Variants in LHFPL3 observed in about 807,000 individuals in gnomAD.
The protein encoded by LHFPL3 is LHFPL tetraspan subfamily member 3 protein.
In LHFPL3, 5 loss-of-function variants were observed where a neutral mutation model predicts 19.3. The observed-to-expected ratio is 0.26, with a 90% confidence interval of 0.14 to 0.54. LHFPL3 has a LOEUF of 0.54. Among genes scored for constraint, LHFPL3 ranks in the 20% least tolerant of loss-of-function variants. LHFPL3 has a pLI of 0.94. For missense variants in LHFPL3, 249 were observed against 307.4 expected (o/e 0.81, Z 1.42); for synonymous variants, 133 against 126.2 (o/e 1.05, Z -0.36).
chr7:104,801,942 C>G (rs1790256139), intron 2 of LHFPL3, among the ~76,000 whole-genome samples: 1 of 152,134 alleles, frequency 6.6e-6, no homozygotes. Flanking sequence ...AGACCATTAA[C>G]TAAGTAGTAA....
chr7:104,654,209 C>T (rs966935288), intron 1 of LHFPL3, among the ~76,000 whole-genome samples: 2 of 152,106 alleles, frequency 1.3e-5, no homozygotes, highest in African/African-American at 4.8e-5. Context: ...GATATCTGTC[C>T]ATGACGTCAT....
chr7:104,398,526 C>T (rs752452909), intron 1 of LHFPL3, among the ~76,000 whole-genome samples: 1 of 152,182 alleles, frequency 6.6e-6, no homozygotes, highest in African/African-American at 2.4e-5. Flanking sequence ...AAAGCAATAA[C>T]TAACATTGTT....
chr7:104,456,833 A>G (rs766511624), intron 1 of LHFPL3, among the ~76,000 whole-genome samples: 3 of 152,236 alleles, frequency 2.0e-5, no homozygotes, highest in Non-Finnish European at 1.5e-5. Flanking sequence ...GAGATGATTC[A>G]TGTCCCAAGG....
At position 104,328,734 on chromosome 7, in the gene LHFPL3, G is replaced by C. The variant is rs748374402; in HGVS notation, c.-46G>C. 1.3e-5 allele frequency: 19 copies of C among 1,494,984 alleles called. No homozygotes were observed. The highest frequency in any genetic ancestry group is 2.0e-5 in the Admixed American group (1 of 50,096). The allele number at this position is 1,494,984 out of a possible 1,614,324, so 92.6% of individuals were successfully genotyped here. A position where few individuals can be genotyped will look rare whatever the true frequency, so the allele number is the denominator to read the frequency against. ...TCTCCTGCGCGCTGAGAGGCGGGGGGAGGCGGAGGACCAGGAGGAGGAGGA... is the reference window on the plus strand; with the variant it reads ...TCTCCTGCGCGCTGAGAGGCGGGGGCAGGCGGAGGACCAGGAGGAGGAGGA... On this transcript the variant is annotated 5_prime_UTR_variant, in exon 1 of 3. Coordinates refer to ENST00000424859, the MANE Select transcript of LHFPL3 (RefSeq NM_199000.3). This position sits in a 1 kb window ranked among gnomAD's most constrained non-coding sequence, Gnocchi z 4.6.
intron 1 of LHFPL3, among the ~76,000 whole-genome samples, chr7:104,529,335 C>T (rs1794248023): frequency 6.6e-6 from 1 of 152,174 alleles, no homozygotes; most frequent in Non-Finnish European, 1.5e-5. Context: ...TCTCTTGCTA[C>T]TTCTTGTTCT....
At position 104,510,385 on chromosome 7, in the gene LHFPL3, C is replaced by T. The variant is rs1186382068; in HGVS notation, c.445+181161C>T. 4.6e-5 allele frequency among the ~76,000 whole-genome samples: 7 copies of T among 152,142 alleles called. No individual in the cohort carries two copies. The East Asian group carries it at 1.2e-3, about 25-fold the overall frequency. On this transcript the variant is annotated intron_variant, in intron 1 of 2. Transcript: ENST00000424859. ...TGGTATTGGTGGAGGGACAGACACACAGATCAATGGAACAAAATAGAGAAC... is the reference window on the plus strand; with the variant it reads ...TGGTATTGGTGGAGGGACAGACACATAGATCAATGGAACAAAATAGAGAAC...
intron 1 of LHFPL3, among the ~76,000 whole-genome samples, chr7:104,644,660 C>A (rs991612035): frequency 6.6e-6 from 1 of 152,150 alleles, no homozygotes; most frequent in African/African-American, 2.4e-5. Flanking sequence ...GGAGTCATGG[C>A]TTTATACTTA....
At chr7:104,876,344 A>G (rs1335790066) in intron 2 of LHFPL3, among the ~76,000 whole-genome samples, 7 of 152,318 alleles carry the variant, frequency 4.6e-5, no homozygotes, top group Admixed American at 3.9e-4. Context: ...TGAACAGGCA[A>G]CCTACAGAAT....
chr7:104,494,739 A>G, intron 1 of LHFPL3, among the ~76,000 whole-genome samples: 1 of 152,150 alleles, frequency 6.6e-6, no homozygotes, highest in South Asian at 2.1e-4. Context: ...CCATACAAGA[A>G]TTCCAAGGCT....
intron 1 of LHFPL3, among the ~76,000 whole-genome samples, chr7:104,368,313 A>C (rs1408562874): frequency 6.6e-6 from 1 of 152,196 alleles, no homozygotes; most frequent in Non-Finnish European, 1.5e-5. Flanking sequence ...ACTTAACATG[A>C]GATCTACCCT....
rs540095860 is a variant in LHFPL3, at chr7:104,890,581, C to T, written c.683-15606C>T. ...GATTGTCAGTCCTTCCCCCTCAGTCCGTTCAGTGGATTCTGAACACTGGCC... is the reference window on the plus strand; with the variant it reads ...GATTGTCAGTCCTTCCCCCTCAGTCTGTTCAGTGGATTCTGAACACTGGCC... On this transcript the variant is annotated intron_variant, in intron 2 of 2. Transcript: ENST00000424859. 8.5e-4 allele frequency among the ~76,000 whole-genome samples: 130 copies of T among 152,306 alleles called. No homozygotes were observed. The South Asian group carries it at 0.012, about 14-fold the overall frequency.
At chr7:104,492,622 C>T (rs1442497552) in intron 1 of LHFPL3, among the ~76,000 whole-genome samples, 1 of 152,244 alleles carries the variant, frequency 6.6e-6, no homozygotes, top group African/African-American at 2.4e-5. Flanking sequence ...GTACTCAAGA[C>T]ATATGTTTGA....
At chr7:104,586,863 G>A (rs924902128) in intron 1 of LHFPL3, among the ~76,000 whole-genome samples, 12 of 152,220 alleles carry the variant, frequency 7.9e-5, no homozygotes, top group Admixed American at 3.9e-4. Flanking sequence ...GAAGACTACC[G>A]GAAAAGTCAA....
intron 1 of LHFPL3, among the ~76,000 whole-genome samples, chr7:104,347,476 T>C (rs7777442): frequency 0.55 from 83,275 of 151,918 alleles, 23,677 homozygotes; most frequent in East Asian, 0.71. Context: ...GAGGCTCAGG[T>C]GAAGGGTTGC....
intron 1 of LHFPL3, among the ~76,000 whole-genome samples, chr7:104,464,571 C>T (rs1792740728): frequency 6.6e-6 from 1 of 152,242 alleles, no homozygotes; most frequent in African/African-American, 2.4e-5. Context: ...CAGAGATTCC[C>T]AAACCTCAAT....
At chr7:104,865,144 T>C (rs1791696394) in intron 2 of LHFPL3, among the ~76,000 whole-genome samples, 3 of 152,064 alleles carry the variant, frequency 2.0e-5, no homozygotes, top group East Asian at 1.9e-4. Flanking sequence ...AGAAAAAAAC[T>C]GGAAACTCTA....
At chr7:104,669,331 G>A (rs1030491355) in intron 1 of LHFPL3, 36 of 1,613,684 alleles carry the variant, frequency 2.2e-5, no homozygotes, top group Middle Eastern at 1.6e-4. Flanking sequence ...AAATAAAGTA[G>A]ATGGGATGAA....
intron 1 of LHFPL3, among the ~76,000 whole-genome samples, chr7:104,440,881 GAT>G (rs1792212768): frequency 6.6e-6 from 1 of 152,042 alleles, no homozygotes; most frequent in African/African-American, 2.4e-5. Context: ...AGGTATAATT[GAT>G]ATACAAAAGA....
chr7:104,611,969 A>G (rs996457631), intron 1 of LHFPL3, among the ~76,000 whole-genome samples: 8 of 152,090 alleles, frequency 5.3e-5, no homozygotes, highest in Non-Finnish European at 7.4e-5. Flanking sequence ...ACAGCTTCCA[A>G]TTTTCTAGAG....
Sources: gnomAD v4.1 joint callset for allele counts (sites outside exome capture counted in the v4.1 genomes callset) on GRCh38, gnomAD v4.1.1 for gene constraint, Gnocchi (gnomAD v3.1) non-coding constraint, MANE v1.5 for transcripts, NCBI Gene and HGNC (gene_info 2026-07-23, HGNC 2026-07-21) for gene names.